Variants in CYP3A7 observed in about 807,000 individuals in gnomAD.
CYP3A7 encodes the protein cytochrome P450 family 3 subfamily A member 7.
In CYP3A7, 45 loss-of-function variants were observed where a neutral mutation model predicts 55.2. The ratio of observed to expected loss-of-function variants is 0.82; its 90% CI spans 0.64 to 1.05. The LOEUF is 1.05. Among genes scored for constraint, CYP3A7 ranks in the 50% least tolerant of loss-of-function variants. The pLI is 0.00. For synonymous variants in CYP3A7, 180 were observed against 207.4 expected (o/e 0.87, Z 1.13); for missense variants, 548 against 605.3 (o/e 0.91, Z 0.99).
intron 9 of CYP3A7, among the ~76,000 whole-genome samples, chr7:99,711,756 G>A (rs1402609665): frequency 6.7e-6 from 1 of 149,734 alleles, no homozygotes; most frequent in Non-Finnish European, 1.5e-5. Flanking sequence ...CAACAAGAGC[G>A]AAAACTCTGT....
chr7:99,709,659 T>C (rs1342679975), intron 10 of CYP3A7, among the ~76,000 whole-genome samples: 3 of 152,104 alleles, frequency 2.0e-5, no homozygotes, highest in East Asian at 1.9e-4. Flanking sequence ...TGAAAACAGA[T>C]AGAAAAAGCA....
At chr7:99,714,721 T>C (rs756188309) in intron 7 of CYP3A7, 39 bp from the exon 8 acceptor site, 3 of 1,602,484 alleles carry the variant, frequency 1.9e-6, no homozygotes, top group East Asian at 2.2e-5. Context: ...GAAACCATTG[T>C]GAACATACAA....
In CYP3A7 at chr7:99,720,693, G is replaced by C. The variant is rs1165480894; in HGVS notation, c.219-281C>G. The C allele has an allele frequency of 8.3e-6, 3 of 363,296 alleles. No individual in the cohort carries two copies. The South Asian group carries it at 1.0e-4, about 12-fold the overall frequency. The allele number at this position is 363,296 out of a possible 1,614,324, so 22.5% of individuals were successfully genotyped here. A position where few individuals can be genotyped will look rare whatever the true frequency, so the allele number is the denominator to read the frequency against. ...GAGATTGTGGTTAGAAATGACAGGA[G>C]AGCATTTGTTAAGCTGGGTGGTGCA... On this transcript the variant is annotated intron_variant, in intron 3 of 12. Transcript: ENST00000336374.
intron 4 of CYP3A7, among the ~76,000 whole-genome samples, chr7:99,720,095 CTGTATCAATGTTAATT>C (rs1168856334): frequency 6.6e-6 from 1 of 152,118 alleles, no homozygotes; most frequent in East Asian, 1.9e-4. Flanking sequence ...ACTCTGTGAA[CTGTATCAATGTTAATT>C]TCCTGTACTG....
intron 12 of CYP3A7, among the ~76,000 whole-genome samples, chr7:99,706,032 G>T (rs1204980332): frequency 6.6e-6 from 1 of 152,128 alleles, no homozygotes. Context: ...TTAATTATGT[G>T]GACAGTCTTC....
At chr7:99,720,441 C>T (rs772014260) in intron 3 of CYP3A7, 29 bp from the exon 4 acceptor site, 2 of 1,611,942 alleles carry the variant, frequency 1.2e-6, no homozygotes. Context: ...GTTGATTAAA[C>T]ATCAACAGCC....
rs770212083 is a variant in CYP3A7, at chr7:99,709,241, A to G, written c.1047T>C (p.Thr349=). 3.1e-6 allele frequency: 5 copies of G among 1,613,764 alleles called. No individual in the cohort carries two copies. The highest frequency in any genetic ancestry group is 4.2e-6 in the Non-Finnish European group (5 of 1,179,908). Residue 349 remains threonine, a synonymous_variant, in exon 11 of 13, where the codon ACT becomes ACC. Transcript: ENST00000336374. ...LPNKAPPTYD[T]VLQLEYLDMV... ...TGTCAAGATACTCCAACTGTAGCACAGTATCATAGGTGGGTGGTGCCTGAA... is the reference window on the plus strand; with the variant it reads ...TGTCAAGATACTCCAACTGTAGCACGGTATCATAGGTGGGTGGTGCCTGAA...
At chr7:99,730,933 C>T in intron 2 of CYP3A7, 126 bp downstream of exon 2, 2 of 1,268,800 alleles carry the variant, frequency 1.6e-6, no homozygotes, top group Non-Finnish European at 2.2e-6. Flanking sequence ...CTGGGTGATG[C>T]CTACACGCTA....
intron 3 of CYP3A7, among the ~76,000 whole-genome samples, chr7:99,722,038 T>TC (rs1437486126): frequency 6.6e-6 from 1 of 152,222 alleles, no homozygotes; most frequent in Non-Finnish European, 1.5e-5. Flanking sequence ...CATGAAGTCC[T>TC]CCTCATATTT....
At chr7:99,726,363 A>G (rs1437084119) in intron 2 of CYP3A7, among the ~76,000 whole-genome samples, 1 of 152,112 alleles carries the variant, frequency 6.6e-6, no homozygotes, top group East Asian at 1.9e-4. Context: ...CCCCCATCTT[A>G]CCTGTCTAAA....
At chr7:99,722,714 A>C (rs910822262) in intron 2 of CYP3A7, among the ~76,000 whole-genome samples, 1 of 152,214 alleles carries the variant, frequency 6.6e-6, no homozygotes, top group Non-Finnish European at 1.5e-5. Flanking sequence ...GGCTGAGGGA[A>C]TGTGAGTGAG....
At chr7:99,734,580 A>G (rs1814756270) in intron 1 of CYP3A7, among the ~76,000 whole-genome samples, 1 of 150,582 alleles carries the variant, frequency 6.6e-6, no homozygotes, top group Non-Finnish European at 1.5e-5. Flanking sequence ...AGCATCCAAC[A>G]CTTAAGCTAC....
intron 2 of CYP3A7, among the ~76,000 whole-genome samples, chr7:99,727,814 T>G (rs1167499966): frequency 6.6e-6 from 1 of 152,186 alleles, no homozygotes; most frequent in Non-Finnish European, 1.5e-5. Flanking sequence ...ATACTGACTC[T>G]AAATGCTGTC....
chr7:99,723,118 T>G (rs1252826843), intron 2 of CYP3A7, among the ~76,000 whole-genome samples: 1 of 152,172 alleles, frequency 6.6e-6, no homozygotes, highest in Admixed American at 6.5e-5. Flanking sequence ...GGGGTACATC[T>G]ACTAAAGATT....
chr7:99,735,065 T>G lies in CYP3A7; in HGVS notation c.29A>C (p.Glu10Ala). ...GCTGACAGCCAGGAGAAGCCAGGTT[T>G]CCACGGCCAAGTTTGGGATGAGATC... is the stretch of plus-strand genomic sequence containing the variant. MDLIPNLAV[E>A]TWLLLAVSLI... The change falls in exon 1 of 13, where the codon GAA becomes GCA. Residue 10 changes from glutamate (E) to alanine (A), a missense_variant. Glu to Ala is a moderately radical substitution (Grantham distance 107). Coordinates refer to ENST00000336374, the MANE Select transcript of CYP3A7 (RefSeq NM_000765.5). 4 of 1,614,116 alleles carry G rather than the reference T, an allele frequency of 2.5e-6. No homozygotes were observed. Among genetic ancestry groups the G allele is most frequent in the Non-Finnish European group, 3.4e-6 (4 of 1,179,978 alleles).
At chr7:99,710,640 G>T in intron 10 of CYP3A7, 92 bp downstream of exon 10, 1 of 1,597,884 alleles carries the variant, frequency 6.3e-7, no homozygotes, top group Admixed American at 1.7e-5. Flanking sequence ...TCATGATTAT[G>T]CTTTTTATAA....
At position 99,730,955 on chromosome 7, in the gene CYP3A7, A is replaced by G. The variant is rs1584525460; in HGVS notation, c.165+104T>C. The G allele has an allele frequency of 2.1e-6, 3 of 1,445,200 alleles. No individual in the cohort carries two copies. In the East Asian group the frequency reaches 7.2e-5, roughly 35 times the overall value. 89.5% of individuals were successfully genotyped at this position (1,445,200 alleles called of 1,614,324 possible). Reference sequence around the variant, plus strand: ...ATGCCTACACGCTATTTCTGAAAGTATAAAATCTCAGACCTTCCTCTTGAG... The same window carrying G: ...ATGCCTACACGCTATTTCTGAAAGTGTAAAATCTCAGACCTTCCTCTTGAG... On this transcript the variant is annotated intron_variant, in intron 2 of 12. Coordinates refer to ENST00000336374, the MANE Select transcript of CYP3A7 (RefSeq NM_000765.5).
chr7:99,734,029 C>T (rs1814732203), intron 1 of CYP3A7, among the ~76,000 whole-genome samples: 1 of 152,112 alleles, frequency 6.6e-6, no homozygotes, highest in Non-Finnish European at 1.5e-5. Context: ...ACTAATAGCC[C>T]TCTTTTATCA....
intron 1 of CYP3A7, among the ~76,000 whole-genome samples, chr7:99,731,570 G>A (rs954614793): frequency 6.6e-5 from 10 of 152,202 alleles, no homozygotes; most frequent in African/African-American, 2.4e-4. Flanking sequence ...GTCTTCTGCA[G>A]TGATGATGAG....
Sources: allele counts gnomAD v4.1 joint callset (sites outside exome capture counted in the v4.1 genomes callset), GRCh38; gene constraint gnomAD v4.1.1; transcripts MANE v1.5; gene names NCBI Gene and HGNC (gene_info 2026-07-23, HGNC 2026-07-21).